FANCM: variants seen among roughly 807,000 people sequenced by gnomAD.
FANCM encodes Fanconi anemia group M protein.
Under a neutral mutation model 199.5 loss-of-function variants are expected in FANCM, and 140 were observed. The observed-to-expected ratio is 0.70, with a 90% CI of 0.61 to 0.81. FANCM has a LOEUF of 0.81. FANCM is among the 30% of genes least tolerant of loss of function. The pLI is 0.00. For missense variants in FANCM, 2,410 were observed against 2,421.4 expected (o/e 1.00, Z 0.10); for synonymous variants, 840 against 836.8 (o/e 1.00, Z -0.07).
At chr14:45,152,848 G>T (rs1594771138) in intron 5 of FANCM, among the ~76,000 whole-genome samples, 1 of 152,202 alleles carries the variant, frequency 6.6e-6, no homozygotes, top group East Asian at 1.9e-4. Flanking sequence ...ATAGTATCTG[G>T]GGAAGCACTA....
In FANCM at chr14:45,200,529, A is replaced by T. The variant is rs935569038; in HGVS notation, c.*521A>T. The T allele has an allele frequency of 1.3e-5, 2 of 152,980 alleles. No individual in the cohort carries two copies. Among genetic ancestry groups the T allele is most frequent in the African/African-American group, 4.8e-5 (2 of 41,456 alleles). The allele number at this position is 152,980 out of a possible 1,614,324, so 9.5% of individuals were successfully genotyped here. A position where few individuals can be genotyped will look rare whatever the true frequency, so the allele number is the denominator to read the frequency against. ...ACTTAACTGAATGTTTATCTGACCA[A>T]AGGTGTGTCCCAGTTAAGTACTGTC... On this transcript the variant is annotated 3_prime_UTR_variant, in exon 23 of 23. Coordinates refer to ENST00000267430, the MANE Select transcript of FANCM (RefSeq NM_020937.4).
At chr14:45,146,230 G>T in intron 3 of FANCM, among the ~76,000 whole-genome samples, 1 of 97,008 alleles carries the variant, frequency 1.0e-5, no homozygotes. Context: ...GACAGAGTGA[G>T]ACTCCGTCTG....
chr14:45,188,191 T>A (rs1889526552), intron 19 of FANCM, among the ~76,000 whole-genome samples: 1 of 152,040 alleles, frequency 6.6e-6, no homozygotes, highest in Non-Finnish European at 1.5e-5. Flanking sequence ...ATACAAAAAT[T>A]AGCCAGGCAT....
chr14:45,170,824 T>C, intron 12 of FANCM, 78 bp downstream of exon 12: 1 of 1,190,068 alleles, frequency 8.4e-7, no homozygotes, highest in Non-Finnish European at 1.3e-6. Flanking sequence ...TTCTTTATAA[T>C]GATCAAGCAA....
In FANCM at chr14:45,176,090, A is replaced by G; in HGVS notation, c.3336A>G (p.Gly1112=). ...IHRSPAQNLV[G]ENNHDVDNSD... is the part of the protein sequence containing the mutation. ...GAAGCCCTGCACAGAATTTAGTTGG[A>G]GAGAACAATCATGATGTTGATAACA... The change falls in exon 14 of 23, where the codon GGA becomes GGG. Residue 1112 remains glycine (G), a synonymous_variant. Transcript: ENST00000267430. 6.2e-7 allele frequency: 1 copy of G among 1,614,126 alleles called. No individual in the cohort carries two copies. Among genetic ancestry groups the G allele is most frequent in the Non-Finnish European group, 8.5e-7 (1 of 1,179,980 alleles).
At chr14:45,170,795 T>A in intron 12 of FANCM, 49 bp downstream of exon 12, 1 of 1,464,078 alleles carries the variant, frequency 6.8e-7, no homozygotes, top group Non-Finnish European at 9.6e-7. Flanking sequence ...CTCATTTTAA[T>A]GCCAGAACCC....
intron 14 of FANCM, 67 bp downstream of exon 14, chr14:45,177,043 AT>A: frequency 9.6e-7 from 1 of 1,039,438 alleles, no homozygotes; most frequent in Non-Finnish European, 1.5e-6. Context: ...TACTTTGGTA[AT>A]TTTTCCAAAT....
chr14:45,170,820 A>G (rs1041572910), intron 12 of FANCM, 74 bp downstream of exon 12: 19 of 1,229,384 alleles, frequency 1.5e-5, no homozygotes, highest in African/African-American at 6.0e-5. Context: ...GATGTTCTTT[A>G]TAATGATCAA....
chr14:45,146,629 A>G (rs1161564123), intron 3 of FANCM, among the ~76,000 whole-genome samples: 55 of 151,642 alleles, frequency 3.6e-4, no homozygotes, highest in African/African-American at 1.3e-3. Context: ...AGGATATCGA[A>G]ACCATCCTGG....
At chr14:45,183,991 T>A in intron 17 of FANCM, 89 bp downstream of exon 17, 11 of 945,752 alleles carry the variant, frequency 1.2e-5, no homozygotes, top group Non-Finnish European at 1.7e-5. Flanking sequence ...CTCTATACAT[T>A]CTCTTTATAG....
At chr14:45,141,287 CAAAA>C (rs534567010) in intron 3 of FANCM, among the ~76,000 whole-genome samples, 13 of 45,066 alleles carry the variant, frequency 2.9e-4, no homozygotes, top group East Asian at 6.3e-4. Flanking sequence ...GGCTCCGTCT[CAAAA>C]AAAAAAAAAA....
intron 11 of FANCM, among the ~76,000 whole-genome samples, chr14:45,168,942 G>T (rs1166710106): frequency 7.3e-6 from 1 of 137,452 alleles, no homozygotes; most frequent in Non-Finnish European, 1.5e-5. Context: ...TTATTTTTTT[G>T]AGACAGTCTC....
At chr14:45,154,098 T>C (rs1324983510) in intron 6 of FANCM, 46 bp downstream of exon 6, 1 of 1,440,140 alleles carries the variant, frequency 6.9e-7, no homozygotes, top group African/African-American at 1.4e-5. Context: ...ATGTATTATT[T>C]TGGCTAAAGA....
intron 5 of FANCM, among the ~76,000 whole-genome samples, chr14:45,153,093 C>T (rs550724627): frequency 3.9e-5 from 6 of 152,216 alleles, no homozygotes; most frequent in African/African-American, 1.4e-4. Context: ...GTCTTCATCT[C>T]AAAGGAAAAT....
At position 45,198,950 on chromosome 14, in the gene FANCM, A is replaced by G. The variant is rs752225429; in HGVS notation, c.6008+15A>G. The G allele has an allele frequency of 1.3e-6, 2 of 1,577,728 alleles. No individual in the cohort carries two copies. Among genetic ancestry groups the G allele is most frequent in the South Asian group, 2.3e-5 (2 of 88,888 alleles). ...ATGGCTAACAGGTATGTCTGTTGTA[A>G]TATTTTTAAATGATTACTTTTAAAA... is the stretch of plus-strand genomic sequence containing the variant. On this transcript the variant is annotated intron_variant, in intron 22 of 22. Transcript: ENST00000267430.
At position 45,155,399 on chromosome 14, in the gene FANCM, A is replaced by T; in HGVS notation, c.1336A>T (p.Ser446Cys). 6.9e-7 allele frequency: 1 copy of T among 1,440,766 alleles called. No homozygotes were observed. The highest frequency in any genetic ancestry group is 9.8e-7 in the Non-Finnish European group (1 of 1,024,510). The allele number at this position is 1,440,766 out of a possible 1,614,324, so 89.2% of individuals were successfully genotyped here. ...QGDKNKKFVYSHPKLKKLEEV... is the reference protein window; with the variant it reads ...QGDKNKKFVYCHPKLKKLEEV... ...AGATAAAAATAAAAAATTTGTTTAT[A>T]GTCATCCAAAGTTAAAGAAATTAGA... Residue 446 changes from serine (S) to cysteine (C), a missense_variant, in exon 8 of 23, where the codon AGT becomes TGT. By Grantham distance (112) the Ser-to-Cys change is moderately radical. Transcript: ENST00000267430.
At chr14:45,179,188 G>C (rs1015909699) in intron 14 of FANCM, among the ~76,000 whole-genome samples, 2 of 152,060 alleles carry the variant, frequency 1.3e-5, no homozygotes, top group African/African-American at 4.8e-5. Context: ...AACAAAGTGA[G>C]GCTCTGTCTA....
At chr14:45,146,229 A>G (rs1292387901) in intron 3 of FANCM, among the ~76,000 whole-genome samples, 1 of 123,436 alleles carries the variant, frequency 8.1e-6, no homozygotes, top group East Asian at 2.5e-4. Flanking sequence ...TGACAGAGTG[A>G]GACTCCGTCT....
chr14:45,194,913 T>C (rs1889976022), intron 20 of FANCM, among the ~76,000 whole-genome samples: 1 of 150,778 alleles, frequency 6.6e-6, no homozygotes, highest in South Asian at 2.1e-4. Context: ...CACACCCAGA[T>C]AATTGTTGTA....
Sources: allele counts gnomAD v4.1 joint callset (sites outside exome capture counted in the v4.1 genomes callset), GRCh38; gene constraint gnomAD v4.1.1; transcripts MANE v1.5; gene names NCBI Gene and HGNC (gene_info 2026-07-23, HGNC 2026-07-21).